SLC25A6: variants seen among roughly 807,000 people sequenced by gnomAD.
The protein encoded by SLC25A6 is solute carrier family 25 member 6, also known as ADP/ATP translocase 3.
SLC25A6 carries 9 observed loss-of-function variants against 25.7 expected under a neutral mutation model. The observed-to-expected ratio is 0.35, with a 90% confidence interval of 0.21 to 0.61. SLC25A6 has a LOEUF of 0.61. Ranked by LOEUF, SLC25A6 falls within the 20% of genes least tolerant of loss-of-function variation. SLC25A6 has a pLI of 0.76. For synonymous variants in SLC25A6, 223 were observed against 197.0 expected, an observed-to-expected ratio of 1.13 and a Z score of -1.11; for missense variants, 404 against 440.5, an observed-to-expected ratio of 0.92 and a Z score of 0.74.
At position 1,391,984 on chromosome X, in the gene SLC25A6, G is replaced by A. The variant is rs757425599; in HGVS notation, c.26C>T (p.Ala9Val). 2 of 1,609,222 alleles carry A rather than the reference G, an allele frequency of 1.2e-6. No homozygotes were observed. Among genetic ancestry groups the A allele is most frequent in the Non-Finnish European group, 1.7e-6 (2 of 1,178,804 alleles). The stretch of plus-strand genomic sequence containing the variant: ...GATGCCTCCGGCCAAGAAGTCTTTG[G>A]CGAAGGAGATGGCCTGTTCCGTCAT... Reference protein sequence around the residue: MTEQAISFAKDFLAGGIAA... With the variant: MTEQAISFVKDFLAGGIAA... Residue 9 changes from alanine to valine, a missense_variant, in exon 1 of 4, where the codon GCC (alanine) becomes GTC (valine). Transcript: ENST00000381401.
intron 2 of SLC25A6, 116 bp downstream of exon 2, chrX:1,389,125 G>A (rs1248206438): frequency 6.1e-5 from 71 of 1,168,292 alleles, no homozygotes; most frequent in Admixed American, 7.8e-5. Flanking sequence ...GAGAGAGGCC[G>A]CAGGAGGAAC....
rs190627063 is a variant in SLC25A6, at chrX:1,387,500, G to A, written c.599-81C>T. On this transcript the variant is annotated intron_variant, in intron 2 of 3. Coordinates refer to ENST00000381401, the MANE Select transcript of SLC25A6 (RefSeq NM_001636.4). ...GGGTCGGCCCCCAGGGTGTGCTCAC[G>A]GCCCCCTGAGGTGGTGCCGAGCTCT... 7.0e-4 allele frequency: 1,102 copies of A among 1,567,088 alleles called. 7 individuals are homozygous for A. In the African/African-American group the frequency reaches 0.013, roughly 19 times the overall value.
chrX:1,389,190 G>A lies in SLC25A6; in HGVS notation c.598+51C>T, dbSNP rs369067599. Reference sequence around the variant, plus strand: ...TCAGCCCACAGGACCCTGGGGGAACGTCTGTGTGTTGAGCCCGTCTCTGGG... The same window carrying A: ...TCAGCCCACAGGACCCTGGGGGAACATCTGTGTGTTGAGCCCGTCTCTGGG... On this transcript the variant is annotated intron_variant, in intron 2 of 3. Coordinates refer to ENST00000381401, the MANE Select transcript of SLC25A6 (RefSeq NM_001636.4). 2.9e-5 allele frequency: 46 copies of A among 1,579,240 alleles called. No individual in the cohort carries two copies. The African/African-American group carries it at 3.9e-4, about 13-fold the overall frequency.
At position 1,389,327 on chromosome X, in the gene SLC25A6, C is replaced by T. The variant is rs139961079; in HGVS notation, c.512G>A (p.Arg171Gln). The change falls in exon 2 of 4, where the codon CGG becomes CAG. Residue 171 changes from arginine to glutamine, a missense_variant. Coordinates refer to ENST00000381401, the MANE Select transcript of SLC25A6 (RefSeq NM_001636.4). The part of the protein sequence containing the change: ...LVKITKSDGI[R>Q]GLYQGFSVSV... ...GACACTGAAGCCCTGGTACAGGCCCCGGATGCCGTCGGACTTGGTGATCTT... is the reference window on the plus strand; with the variant it reads ...GACACTGAAGCCCTGGTACAGGCCCTGGATGCCGTCGGACTTGGTGATCTT... 50 of 1,613,710 alleles carry T rather than the reference C, an allele frequency of 3.1e-5. No individual in the cohort carries two copies. Among genetic ancestry groups the T allele is most frequent in the Admixed American group, 3.0e-4 (18 of 59,990 alleles).
Position 1,392,015 on chromosome X carries a change from C to A in SLC25A6, c.-6G>T, listed in dbSNP as rs747576256. On this transcript the variant is annotated 5_prime_UTR_variant, in exon 1 of 4. Coordinates refer to ENST00000381401, the MANE Select transcript of SLC25A6 (RefSeq NM_001636.4). ...GAGATGGCCTGTTCCGTCATGGTGG[C>A]AGGGCGGGCAGCGGAACGGGAGGAC... is the stretch of plus-strand genomic sequence containing the variant. 1 of 1,599,454 alleles carries A rather than the reference C, an allele frequency of 6.3e-7. No homozygotes were observed. The highest frequency in any genetic ancestry group is 8.5e-7 in the Non-Finnish European group (1 of 1,173,278).
chrX:1,391,846 G>T, intron 1 of SLC25A6, 53 bp downstream of exon 1: 2 of 1,406,938 alleles, frequency 1.4e-6, no homozygotes, highest in Non-Finnish European at 2.0e-6. Context: ...GCCCGACCCG[G>T]CCACTCGGTT....
Position 1,391,920 on chromosome X carries a change from C to T in SLC25A6, c.90G>A (p.Glu30=), listed in dbSNP as rs1435496562. 1.2e-6 allele frequency: 2 copies of T among 1,608,258 alleles called. No homozygotes were observed. Among genetic ancestry groups the T allele is most frequent in the South Asian group, 1.1e-5 (1 of 90,166 alleles). Reference sequence around the variant, plus strand: ...CCACCTGCAGCAGCAGCTTGACCCGCTCGATCGGAGCCACGGCCGTCTTGG... The same window carrying T: ...CCACCTGCAGCAGCAGCTTGACCCGTTCGATCGGAGCCACGGCCGTCTTGG... ...AISKTAVAPI[E]RVKLLLQVQH... is the part of the protein sequence containing the mutation. The change falls in exon 1 of 4, where the codon GAG becomes GAA. Residue 30 remains glutamate (E), a synonymous_variant. Transcript: ENST00000381401.
At position 1,390,077 on chromosome X, in the gene SLC25A6, T is replaced by C. The variant is rs759164056; in HGVS notation, c.112-350A>G. 5 of 354,100 alleles carry C rather than the reference T, an allele frequency of 1.4e-5. No individual in the cohort carries two copies. The South Asian group carries it at 2.0e-4, about 14-fold the overall frequency. 21.9% of individuals were successfully genotyped at this position (354,100 alleles called of 1,614,324 possible). A position where few individuals can be genotyped will look rare whatever the true frequency, so the allele number is the denominator to read the frequency against. ...CCCGGGTTTGAGTGTAGTGGTGCGA[T>C]CTCACCTCACTGCAGCCTCCAACTC... is the stretch of plus-strand genomic sequence containing the variant. On this transcript the variant is annotated intron_variant, in intron 1 of 3. Transcript: ENST00000381401.
At chrX:1,391,212 C>G (rs1569529257) in intron 1 of SLC25A6, among the ~76,000 whole-genome samples, 1 of 152,060 alleles carries the variant, frequency 6.6e-6, no homozygotes, top group African/African-American at 2.4e-5. Context: ...CAATACTCCC[C>G]GGGCCTCTCA....
rs1462550873 is a variant in SLC25A6, at chrX:1,389,333, C to T, written c.506G>A (p.Gly169Asp). The change falls in exon 2 of 4, where the codon GGC (glycine) becomes GAC (aspartate). Residue 169 changes from glycine (G) to aspartate (D), a missense_variant. Gly to Asp is a moderately conservative substitution (Grantham distance 94). Transcript: ENST00000381401. ...DCLVKITKSD[G>D]IRGLYQGFSV... is the part of the protein sequence containing the mutation. ...GAAGCCCTGGTACAGGCCCCGGATG[C>T]CGTCGGACTTGGTGATCTTCACCAG... is the stretch of plus-strand genomic sequence containing the variant. 6.2e-7 allele frequency: 1 copy of T among 1,613,858 alleles called. No homozygotes were observed. Among genetic ancestry groups the T allele is most frequent in the Non-Finnish European group, 8.5e-7 (1 of 1,179,872 alleles).
At chrX:1,391,677 C>G (rs762901831) in intron 1 of SLC25A6, among the ~76,000 whole-genome samples, 1 of 152,204 alleles carries the variant, frequency 6.6e-6, no homozygotes, top group Admixed American at 6.5e-5. Context: ...TGCCGCATTT[C>G]CCCCCGCCCG....
In SLC25A6 at chrX:1,387,436, C is replaced by T. The variant is rs772433236; in HGVS notation, c.599-17G>A. The T allele has an allele frequency of 2.3e-5, 37 of 1,610,430 alleles. 1 individual carries two copies. In the South Asian group the frequency reaches 2.7e-4, roughly 12 times the overall value. ...GGAGCATGCCTGCGCGGGAACGGCA[C>T]GTCACCGTCTCCAGCGCCTGCACGG... On this transcript the variant is annotated splice_polypyrimidine_tract_variant and intron_variant, in intron 2 of 3. Coordinates refer to ENST00000381401, the MANE Select transcript of SLC25A6 (RefSeq NM_001636.4).
chrX:1,391,402 A>T (rs2089408601), intron 1 of SLC25A6, among the ~76,000 whole-genome samples: 1 of 152,238 alleles, frequency 6.6e-6, no homozygotes, highest in African/African-American at 2.4e-5. Context: ...CTGGATCAGA[A>T]TTGCACAAAT....
intron 1 of SLC25A6, among the ~76,000 whole-genome samples, chrX:1,391,492 T>C (rs186826203): frequency 4.6e-5 from 7 of 152,332 alleles, no homozygotes; most frequent in South Asian, 2.1e-4. Flanking sequence ...CGTTGCCCTA[T>C]TGGCCTTAGA....
chrX:1,386,653 C>A lies in SLC25A6; in HGVS notation c.846G>T (p.Met282Ile), dbSNP rs1285886159. The A allele has an allele frequency of 3.7e-6, 6 of 1,605,938 alleles. No individual in the cohort carries two copies. Among genetic ancestry groups the A allele is most frequent in the South Asian group, 2.2e-5 (2 of 89,662 alleles). ...ACAGGACCAGCACGAAGGCGCCCCC[C>A]ATGCCCCGCAGGACGTTGGACCACG... ...KGAWSNVLRG[M>I]GGAFVLVLYD... is the part of the protein sequence containing the mutation. Residue 282 changes from methionine (M) to isoleucine (I), a missense_variant, in exon 4 of 4, where the codon ATG (methionine) becomes ATT (isoleucine). Transcript: ENST00000381401.
chrX:1,389,905 C>T (rs2089379410), intron 1 of SLC25A6, among the ~76,000 whole-genome samples, 178 bp from the exon 2 acceptor site: 1 of 151,920 alleles, frequency 6.6e-6, no homozygotes, highest in Non-Finnish European at 1.5e-5. Context: ...CTATAGGCGC[C>T]CACCACCACG....
intron 2 of SLC25A6, among the ~76,000 whole-genome samples, chrX:1,387,872 G>C (rs1209072167): frequency 2.6e-5 from 4 of 151,884 alleles, no homozygotes; most frequent in Non-Finnish European, 5.9e-5. Flanking sequence ...TACGACCCCA[G>C]TGTCCTTCTA....
In SLC25A6 at chrX:1,386,771, G is replaced by A. The variant is rs759007663; in HGVS notation, c.740-12C>T. On this transcript the variant is annotated splice_polypyrimidine_tract_variant and intron_variant, in intron 3 of 3. Coordinates refer to ENST00000381401, the MANE Select transcript of SLC25A6 (RefSeq NM_001636.4). ...GTACATGATGTCAGCTGCAACGACA[G>A]GGAGACAGTGAGGGCCTCGCCGCCA... is the stretch of plus-strand genomic sequence containing the variant. 1.5e-5 allele frequency: 24 copies of A among 1,599,970 alleles called. No individual in the cohort carries two copies. The East Asian group carries it at 5.1e-4, about 34-fold the overall frequency.
At position 1,391,978 on chromosome X, in the gene SLC25A6, T is replaced by C; in HGVS notation, c.32A>G (p.Asp11Gly). Residue 11 changes from aspartate (D) to glycine (G), a missense_variant, in exon 1 of 4, where the codon GAC (aspartate) becomes GGC (glycine). Coordinates refer to ENST00000381401, the MANE Select transcript of SLC25A6 (RefSeq NM_001636.4). MTEQAISFAK[D>G]FLAGGIAAAI... ...GGCGGCGATGCCTCCGGCCAAGAAG[T>C]CTTTGGCGAAGGAGATGGCCTGTTC... 1.9e-6 allele frequency: 3 copies of C among 1,609,256 alleles called. No homozygotes were observed. The highest frequency in any genetic ancestry group is 2.5e-6 in the Non-Finnish European group (3 of 1,178,820).
Sources: gnomAD v4.1 joint callset for allele counts (sites outside exome capture counted in the v4.1 genomes callset) on GRCh38, gnomAD v4.1.1 for gene constraint, MANE v1.5 for transcripts, NCBI Gene and HGNC (gene_info 2026-07-23, HGNC 2026-07-21) for gene names.